NALCN: variants seen among roughly 807,000 people sequenced by gnomAD.
NALCN encodes the protein sodium leak channel NALCN.
Under a neutral mutation model 225.3 loss-of-function variants are expected in NALCN, and 111 were observed. The observed-to-expected ratio is 0.49, with a 90% CI of 0.42 to 0.58. The LOEUF is 0.58. Ranked by LOEUF, NALCN falls within the 20% of genes least tolerant of loss-of-function variation. The pLI, the probability that NALCN is intolerant of heterozygous loss-of-function variation, is 0.00. For synonymous variants in NALCN, 764 were observed against 769.0 expected, an observed-to-expected ratio of 0.99 and a Z score of 0.11; for missense variants, 1,378 against 2,202.4, an observed-to-expected ratio of 0.63 and a Z score of 7.49.
chr13:101,148,382 T>G (rs1192989518), intron 15 of NALCN, among the ~76,000 whole-genome samples: 3 of 152,206 alleles, frequency 2.0e-5, no homozygotes, highest in African/African-American at 7.2e-5. Context: ...CCTGCGTGTT[T>G]CTGTGTCTCT....
chr13:101,236,681 G>A (rs868484081), intron 12 of NALCN, among the ~76,000 whole-genome samples: 15 of 147,380 alleles, frequency 1.0e-4, no homozygotes, highest in East Asian at 2.0e-4. Flanking sequence ...ACCAAACACC[G>A]CATATTCTCA....
chr13:101,295,411 T>G (rs2043708634), intron 7 of NALCN, among the ~76,000 whole-genome samples: 1 of 152,196 alleles, frequency 6.6e-6, no homozygotes. Context: ...AGCATTTTCA[T>G]GTAGAATATG....
intron 15 of NALCN, among the ~76,000 whole-genome samples, chr13:101,156,544 T>TATGC (rs1268528405): frequency 6.6e-6 from 1 of 152,074 alleles, no homozygotes; most frequent in Non-Finnish European, 1.5e-5. Context: ...TATATATATA[T>TATGC]ATGCATGTAA....
At chr13:101,348,689 A>G (rs1231868204) in intron 6 of NALCN, among the ~76,000 whole-genome samples, 1 of 151,826 alleles carries the variant, frequency 6.6e-6, no homozygotes, top group Non-Finnish European at 1.5e-5. Context: ...TAGTGCTGAT[A>G]CTCATTTTAA....
At chr13:101,306,217 GCC>G (rs940538079) in intron 7 of NALCN, among the ~76,000 whole-genome samples, 15 of 152,106 alleles carry the variant, frequency 9.9e-5, no homozygotes, top group Non-Finnish European at 1.8e-4. Flanking sequence ...GATGCCCCAG[GCC>G]CTCATTGCCA....
intron 10 of NALCN, among the ~76,000 whole-genome samples, chr13:101,276,317 A>T (rs1566519188): frequency 6.6e-6 from 1 of 152,146 alleles, no homozygotes; most frequent in South Asian, 2.1e-4. Flanking sequence ...GCATGGTATA[A>T]ATTTCATTAA....
chr13:101,342,337 T>C (rs1470008022), intron 7 of NALCN, among the ~76,000 whole-genome samples: 2 of 152,184 alleles, frequency 1.3e-5, no homozygotes, highest in African/African-American at 2.4e-5. Context: ...TCCTAAGTTA[T>C]AGTGGCCATG....
intron 17 of NALCN, among the ~76,000 whole-genome samples, chr13:101,131,038 T>TA (rs1479333761): frequency 1.3e-5 from 2 of 152,094 alleles, no homozygotes; most frequent in African/African-American, 4.8e-5. Context: ...TCTTTGATTT[T>TA]AAAAAATGCC....
At chr13:101,154,879 T>A (rs577475432) in intron 15 of NALCN, among the ~76,000 whole-genome samples, 1 of 152,324 alleles carries the variant, frequency 6.6e-6, no homozygotes, top group African/African-American at 2.4e-5. Flanking sequence ...AATGACAAGT[T>A]ACATCAGATT....
At chr13:101,251,600 G>A (rs1163187309) in intron 11 of NALCN, among the ~76,000 whole-genome samples, 1 of 151,906 alleles carries the variant, frequency 6.6e-6, no homozygotes, top group East Asian at 1.9e-4. Context: ...GGAAATAAAA[G>A]AAAGTCACAG....
intron 34 of NALCN, among the ~76,000 whole-genome samples, chr13:101,080,692 A>G (rs1169922897): frequency 6.8e-6 from 1 of 147,042 alleles, no homozygotes; most frequent in Non-Finnish European, 1.5e-5. Context: ...ATACATACAC[A>G]TACACATAAT....
intron 10 of NALCN, among the ~76,000 whole-genome samples, chr13:101,278,271 T>C (rs1411016092): frequency 6.6e-6 from 1 of 152,144 alleles, no homozygotes; most frequent in African/African-American, 2.4e-5. Flanking sequence ...ACACCTGTAA[T>C]CCCAGCACTT....
chr13:101,183,756 G>A (rs1306537918), intron 14 of NALCN, among the ~76,000 whole-genome samples: 3 of 151,974 alleles, frequency 2.0e-5, no homozygotes, highest in African/African-American at 7.3e-5. Flanking sequence ...ACCACGCCTG[G>A]CCCGATATTT....
chr13:101,103,804 T>C (rs191149044), intron 25 of NALCN, among the ~76,000 whole-genome samples: 2 of 152,332 alleles, frequency 1.3e-5, no homozygotes, highest in Admixed American at 6.5e-5. Flanking sequence ...CCCATTTCTA[T>C]GGTTTTCCAG....
chr13:101,225,269 T>C (rs11069433), intron 13 of NALCN, among the ~76,000 whole-genome samples: 13,712 of 152,158 alleles, frequency 0.09, 1,827 homozygotes, highest in African/African-American at 0.29. Flanking sequence ...GACAAAGGCT[T>C]GTTCTTTTTA....
chr13:101,236,178 G>A (rs538996437), intron 12 of NALCN, among the ~76,000 whole-genome samples: 46 of 152,098 alleles, frequency 3.0e-4, no homozygotes, highest in Non-Finnish European at 5.9e-4. Context: ...ACCATCACTG[G>A]CCATCAGAGA....
At chr13:101,221,994 C>T (rs548907529) in intron 13 of NALCN, among the ~76,000 whole-genome samples, 20 of 152,278 alleles carry the variant, frequency 1.3e-4, no homozygotes, top group African/African-American at 4.1e-4. Context: ...TGCTTTTTCT[C>T]ATCTAAAACG....
At chr13:101,259,018 AC>A (rs1298429873) in intron 10 of NALCN, among the ~76,000 whole-genome samples, 6 of 152,188 alleles carry the variant, frequency 3.9e-5, no homozygotes, top group Non-Finnish European at 8.8e-5. Flanking sequence ...AGTAAGAGAA[AC>A]CTGAGATTTA....
At chr13:101,105,287 T>C (rs1039917962) in intron 22 of NALCN, among the ~76,000 whole-genome samples, 5 of 152,244 alleles carry the variant, frequency 3.3e-5, no homozygotes, top group Non-Finnish European at 7.3e-5. Flanking sequence ...TTTGAAATCT[T>C]TGCCTTAATA....
Sources: gnomAD v4.1 joint callset for allele counts (sites outside exome capture counted in the v4.1 genomes callset) on GRCh38, gnomAD v4.1.1 for gene constraint, MANE v1.5 for transcripts, NCBI Gene and HGNC (gene_info 2026-07-23, HGNC 2026-07-21) for gene names.